The following CDH26 variants were observed in gnomAD, a reference collection of about 807,000 sequenced individuals.
The protein encoded by CDH26 is cadherin-like protein 26.
Under a neutral mutation model 90.3 loss-of-function variants are expected in CDH26, and 83 were observed. The ratio of observed to expected loss-of-function variants is 0.92; its 90% CI spans 0.77 to 1.10. The LOEUF (loss-of-function observed/expected upper bound fraction) is 1.10, where lower values mean the gene tolerates loss of function less well. CDH26 is among the 50% of genes least tolerant of loss of function. The pLI, the probability that CDH26 is intolerant of heterozygous loss-of-function variation, is 0.00. For missense variants in CDH26, 1,013 were observed against 1,037.6 expected (o/e 0.98, Z 0.33); for synonymous variants, 397 against 396.3 (o/e 1.00, Z -0.02).
intron 7 of CDH26, among the ~76,000 whole-genome samples, chr20:60,024,410 C>T (rs972891866): frequency 6.6e-6 from 1 of 152,106 alleles, no homozygotes; most frequent in Non-Finnish European, 1.5e-5. Context: ...ATGATGATGG[C>T]TGTGTTTATC....
chr20:59,979,690 G>A (rs168979), intron 4 of CDH26, among the ~76,000 whole-genome samples: 9,174 of 128,496 alleles, frequency 0.071, 921 homozygotes, highest in African/African-American at 0.25. Context: ...GCAATGGTGC[G>A]ATCTCAGCTT....
intron 1 of CDH26, among the ~76,000 whole-genome samples, chr20:59,965,547 C>A (rs534657481): frequency 6.6e-6 from 1 of 152,192 alleles, no homozygotes; most frequent in African/African-American, 2.4e-5. Context: ...ATATTTTTTG[C>A]AAATATTTTG....
intron 12 of CDH26, chr20:59,996,400 C>T (rs1468990379): frequency 1.3e-6 from 2 of 1,500,338 alleles, no homozygotes; most frequent in African/African-American, 2.8e-5. Context: ...TTCCAAGAAA[C>T]AATACAATAT....
intron 5 of CDH26, among the ~76,000 whole-genome samples, chr20:59,984,241 T>C (rs1219011046): frequency 6.6e-6 from 1 of 152,234 alleles, no homozygotes; most frequent in Non-Finnish European, 1.5e-5. Context: ...CTTTCTTTTC[T>C]TCATTTTTCT....
At chr20:59,971,130 T>G (rs1346859955) in intron 3 of CDH26, among the ~76,000 whole-genome samples, 1 of 152,196 alleles carries the variant, frequency 6.6e-6, no homozygotes, top group Admixed American at 6.5e-5. Flanking sequence ...AATTAAGTGC[T>G]GATTAAGTTC....
At chr20:60,011,960 G>A (rs1215744135) in intron 17 of CDH26, among the ~76,000 whole-genome samples, 1 of 152,146 alleles carries the variant, frequency 6.6e-6, no homozygotes, top group East Asian at 1.9e-4. Flanking sequence ...CATGGCCTGA[G>A]CATGAATGGG....
chr20:59,982,830 CA>C, intron 4 of CDH26, 92 bp from the exon 5 acceptor site: 1 of 1,427,684 alleles, frequency 7.0e-7, no homozygotes, highest in Non-Finnish European at 9.6e-7. Flanking sequence ...GAGGAGGAGA[CA>C]GACGTAACAC....
chr20:60,035,717 C>T (rs1179612896), downstream of CDH26, among the ~76,000 whole-genome samples: 3 of 152,146 alleles, frequency 2.0e-5, no homozygotes, highest in Middle Eastern at 3.4e-3. Context: ...TCACGGGGGG[C>T]GGTTCCCCCA....
At position 60,030,236 on chromosome 20, in the gene CDH26, A is replaced by G. The variant is rs2122799842; in HGVS notation, c.948-995A>G. Reference sequence around the variant, plus strand: ...ACTTCCCCAGTCTGGGCCTGTGTCTATTTGAAAAATTGAGGATTCATTTTG... The same window carrying G: ...ACTTCCCCAGTCTGGGCCTGTGTCTGTTTGAAAAATTGAGGATTCATTTTG... On this transcript the variant is annotated intron_variant, in intron 7 of 8. Coordinates refer to the CDH26 transcript ENST00000370991. The surrounding 1 kb of genome is among the most constrained non-coding windows in gnomAD (Gnocchi z 4.0). Among the ~76,000 whole-genome samples the G allele has an allele frequency of 6.6e-6, 1 of 152,218 alleles. No homozygotes were observed. Among genetic ancestry groups the G allele is most frequent in the Non-Finnish European group, 1.5e-5 (1 of 67,984 alleles).
rs2062032414 is a variant in CDH26, at chr20:60,030,526, A to G, written c.948-705A>G. ...TGTAAGTTCCAGAGGCAGATCCTGG[A>G]AGATTTTAACTAGCTAATGTAGCCC... On this transcript the variant is annotated intron_variant, in intron 7 of 8. Coordinates refer to the CDH26 transcript ENST00000370991. This position sits in a 1 kb window ranked among gnomAD's most constrained non-coding sequence, Gnocchi z 4.0. Among the ~76,000 whole-genome samples, 1 of 152,122 alleles carries G rather than the reference A, an allele frequency of 6.6e-6. No homozygotes were observed. Among genetic ancestry groups the G allele is most frequent in the Non-Finnish European group, 1.5e-5 (1 of 68,032 alleles).
At chr20:60,025,347 A>G (rs968564393) in intron 7 of CDH26, among the ~76,000 whole-genome samples, 1 of 152,380 alleles carries the variant, frequency 6.6e-6, no homozygotes, top group South Asian at 2.1e-4. Flanking sequence ...TATATGTACA[A>G]TGAGTGAGTT....
At chr20:59,987,123 T>C (rs997762937) in intron 7 of CDH26, among the ~76,000 whole-genome samples, 1 of 152,164 alleles carries the variant, frequency 6.6e-6, no homozygotes, top group African/African-American at 2.4e-5. Context: ...GAGCATAAAC[T>C]AGGATTGTGT....
intron 16 of CDH26, among the ~76,000 whole-genome samples, chr20:60,005,731 A>G (rs2061739654): frequency 6.6e-6 from 1 of 152,098 alleles, no homozygotes; most frequent in Non-Finnish European, 1.5e-5. Context: ...AAAGTCTACA[A>G]CCTTATGACC....
intron 1 of CDH26, among the ~76,000 whole-genome samples, chr20:59,967,908 CCTTT>C (rs1333312329): frequency 3.7e-5 from 4 of 107,912 alleles, no homozygotes; most frequent in Non-Finnish European, 5.4e-5. Flanking sequence ...TTCCTTCCTT[CCTTT>C]CCTTTCCTTT....
chr20:60,015,094 C>T (rs1217275517), downstream of CDH26, among the ~76,000 whole-genome samples: 2 of 152,254 alleles, frequency 1.3e-5, no homozygotes, highest in Non-Finnish European at 2.9e-5. Flanking sequence ...AAGCAATTCT[C>T]CTGTCTCAGC....
At chr20:59,995,601 G>A (rs2061582814) in intron 11 of CDH26, among the ~76,000 whole-genome samples, 1 of 152,230 alleles carries the variant, frequency 6.6e-6, no homozygotes, top group Admixed American at 6.5e-5. Context: ...AACTTTCAGT[G>A]TGTTCTGTGA....
intron 13 of CDH26, among the ~76,000 whole-genome samples, chr20:59,998,596 T>A (rs938210427): frequency 6.6e-6 from 1 of 152,212 alleles, no homozygotes; most frequent in Admixed American, 6.5e-5. Context: ...ATCTTTCTCT[T>A]GTTTCCCATT....
chr20:59,995,602 T>C (rs1401219461), intron 11 of CDH26, among the ~76,000 whole-genome samples: 1 of 152,234 alleles, frequency 6.6e-6, no homozygotes, highest in African/African-American at 2.4e-5. Context: ...ACTTTCAGTG[T>C]GTTCTGTGAG....
chr20:59,970,088 A>C lies in CDH26; in HGVS notation c.133A>C (p.Ile45Leu). ...GTGTCACTATAAGTTCCAGGAAAAG[A>C]TCTACCAGCCTCTACGGCGATCCAA... is the stretch of plus-strand genomic sequence containing the variant. Reference protein sequence around the residue: ...DDLTKQTKEKIYQPLRRSKRR... With the variant: ...DDLTKQTKEKLYQPLRRSKRR... Residue 45 changes from isoleucine (I) to leucine (L), a missense_variant, in exon 3 of 18, where the codon ATC becomes CTC. Transcript: ENST00000348616. 1 of 1,612,718 alleles carries C rather than the reference A, an allele frequency of 6.2e-7. No individual in the cohort carries two copies. The highest frequency in any genetic ancestry group is 2.2e-5 in the East Asian group (1 of 44,814).
Sources: gnomAD v4.1 joint callset for allele counts (sites outside exome capture counted in the v4.1 genomes callset) on GRCh38, gnomAD v4.1.1 for gene constraint, Gnocchi (gnomAD v3.1) non-coding constraint, MANE v1.5 for transcripts, NCBI Gene and HGNC (gene_info 2026-07-23, HGNC 2026-07-21) for gene names.